Variants in TRIQK observed in about 807,000 individuals in gnomAD.
TRIQK encodes the protein triple QxxK/R motif containing.
A neutral mutation model predicts 10.8 loss-of-function variants in TRIQK; 10 were observed. The ratio of observed to expected loss-of-function variants is 0.92; its 90% CI spans 0.57 to 1.57. The LOEUF (loss-of-function observed/expected upper bound fraction) is 1.57. Ranked by LOEUF, TRIQK falls within the 40% of genes most tolerant of loss-of-function variation. TRIQK has a pLI of 0.00. For synonymous variants in TRIQK, 33 were observed against 33.7 expected (o/e 0.98, Z 0.07); for missense variants, 107 against 97.7 (o/e 1.09, Z -0.40).
chr8:92,896,074 C>T (rs1464522617), intron 3 of TRIQK, among the ~76,000 whole-genome samples: 24 of 152,106 alleles, frequency 1.6e-4, no homozygotes, highest in South Asian at 2.1e-4. Flanking sequence ...TCTGAGAATG[C>T]CCCTCCCAAA....
chr8:92,977,813 T>A (rs554381268), intron 1 of TRIQK, among the ~76,000 whole-genome samples: 3 of 152,280 alleles, frequency 2.0e-5, no homozygotes, highest in East Asian at 3.9e-4. Context: ...AGTACAATTG[T>A]CATGTAGAAA....
chr8:92,955,275 G>A (rs923210268), intron 1 of TRIQK, among the ~76,000 whole-genome samples: 10 of 151,696 alleles, frequency 6.6e-5, no homozygotes, highest in African/African-American at 2.2e-4. Context: ...ATTCTAATGA[G>A]ATAATTAAAA....
At chr8:92,937,991 T>C (rs1811077460) in intron 2 of TRIQK, among the ~76,000 whole-genome samples, 1 of 152,036 alleles carries the variant, frequency 6.6e-6, no homozygotes, top group Non-Finnish European at 1.5e-5. Context: ...TGATGTTTCA[T>C]TTTCCTTTTT....
At chr8:93,005,449 G>A (rs1166147015) in intron 1 of TRIQK, among the ~76,000 whole-genome samples, 3 of 152,118 alleles carry the variant, frequency 2.0e-5, no homozygotes, top group African/African-American at 7.2e-5. Flanking sequence ...ATAAGAGTTG[G>A]GTGGGGACAC....
intron 2 of TRIQK, among the ~76,000 whole-genome samples, chr8:92,925,750 T>G (rs2130517269): frequency 6.6e-6 from 1 of 152,284 alleles, no homozygotes; most frequent in Non-Finnish European, 1.5e-5. Flanking sequence ...TTGAAGAGAA[T>G]GTGGAGCAAC....
At chr8:92,966,719 C>A (rs1274764707), upstream of TRIQK, among the ~76,000 whole-genome samples, 1 of 152,036 alleles carries the variant, frequency 6.6e-6, no homozygotes, top group Non-Finnish European at 1.5e-5. Context: ...GTAATCCTTA[C>A]AAAACCCACT....
chr8:92,948,361 T>G (rs1297609764), intron 2 of TRIQK, among the ~76,000 whole-genome samples: 1 of 152,186 alleles, frequency 6.6e-6, no homozygotes, highest in Admixed American at 6.5e-5. Flanking sequence ...CAGTAATGGT[T>G]AACAACATTT....
At chr8:92,919,236 T>C (rs1056149758) in intron 2 of TRIQK, among the ~76,000 whole-genome samples, 4 of 151,934 alleles carry the variant, frequency 2.6e-5, no homozygotes, top group African/African-American at 9.7e-5. Flanking sequence ...ATTTTAGGAT[T>C]GTTCTTTAGG....
chr8:92,907,956 G>C (rs910880207), intron 3 of TRIQK, among the ~76,000 whole-genome samples: 2 of 151,878 alleles, frequency 1.3e-5, no homozygotes, highest in Non-Finnish European at 2.9e-5. Context: ...CACTATTTTA[G>C]GGATGGACAC....
chr8:92,980,694 T>C (rs1432692507), intron 1 of TRIQK, among the ~76,000 whole-genome samples: 1 of 152,020 alleles, frequency 6.6e-6, no homozygotes, highest in African/African-American at 2.4e-5. Flanking sequence ...GGTTTTAAAA[T>C]TAATGGCATA....
At chr8:93,005,110 C>T (rs1395138073) in intron 1 of TRIQK, among the ~76,000 whole-genome samples, 2 of 152,150 alleles carry the variant, frequency 1.3e-5, no homozygotes, top group African/African-American at 4.8e-5. Flanking sequence ...TCCTTTTTCA[C>T]ACTGCTATAA....
rs1474587614 is a variant in TRIQK, at chr8:92,884,882, A to G, written c.*1740T>C. 6.6e-6 allele frequency: 3 copies of G among 456,132 alleles called. No individual in the cohort carries two copies. Among genetic ancestry groups the G allele is most frequent in the South Asian group, 1.5e-5 (1 of 64,556 alleles). 28.3% of individuals were successfully genotyped at this position (456,132 alleles called of 1,614,324 possible). A position where few individuals can be genotyped will look rare whatever the true frequency, so the allele number is the denominator to read the frequency against. On this transcript the variant is annotated 3_prime_UTR_variant, in exon 5 of 5. Transcript: ENST00000521988. Reference sequence around the variant, plus strand: ...GGAGCAGTATTTCTTGACATGTGGCATGTCACTCAGGAAAGTAAAAGGCCC... The same window carrying G: ...GGAGCAGTATTTCTTGACATGTGGCGTGTCACTCAGGAAAGTAAAAGGCCC...
At chr8:92,942,461 C>A (rs1396554238) in intron 2 of TRIQK, among the ~76,000 whole-genome samples, 2 of 152,152 alleles carry the variant, frequency 1.3e-5, no homozygotes, top group Non-Finnish European at 2.9e-5. Flanking sequence ...AAGTTGAAAG[C>A]TTTCCTCTAA....
intron 1 of TRIQK, among the ~76,000 whole-genome samples, chr8:92,975,933 A>C (rs908083339): frequency 6.6e-6 from 1 of 151,948 alleles, no homozygotes; most frequent in Non-Finnish European, 1.5e-5. Context: ...TGGGTTACTT[A>C]GAATATGTTA....
intron 3 of TRIQK, among the ~76,000 whole-genome samples, chr8:92,909,846 T>C (rs541183062): frequency 1.7e-4 from 26 of 151,738 alleles, no homozygotes; most frequent in African/African-American, 6.3e-4. Context: ...AGTGGTTGTA[T>C]CCAAGGTACC....
intron 2 of TRIQK, among the ~76,000 whole-genome samples, chr8:92,918,779 C>A (rs1012061291): frequency 2.1e-4 from 31 of 150,988 alleles, no homozygotes; most frequent in Middle Eastern, 3.4e-3. Context: ...GATCTTACCC[C>A]CCCCCACAAT....
intron 3 of TRIQK, among the ~76,000 whole-genome samples, chr8:92,914,068 C>T (rs191823802): frequency 2.6e-5 from 4 of 151,988 alleles, no homozygotes; most frequent in Admixed American, 6.6e-5. Flanking sequence ...TGTATACCTA[C>T]GTAACAAACC....
chr8:92,949,815 AAAG>A (rs1811785319), intron 2 of TRIQK, among the ~76,000 whole-genome samples: 1 of 144,662 alleles, frequency 6.9e-6, no homozygotes, highest in Non-Finnish European at 1.5e-5. Context: ...AGAAAGAAAG[AAAG>A]AAAGAAAGAA....
At chr8:93,012,843 CT>C (rs1239805492) in intron 1 of TRIQK, among the ~76,000 whole-genome samples, 1 of 152,170 alleles carries the variant, frequency 6.6e-6, no homozygotes, top group Non-Finnish European at 1.5e-5. Flanking sequence ...AGCAGCATCG[CT>C]TGAGAATTCA....
Sources: allele counts gnomAD v4.1 joint callset (sites outside exome capture counted in the v4.1 genomes callset), GRCh38; gene constraint gnomAD v4.1.1; transcripts MANE v1.5; gene names NCBI Gene and HGNC (gene_info 2026-07-23, HGNC 2026-07-21).